Variants in FSTL1 observed in about 807,000 individuals in gnomAD.
FSTL1 encodes the protein follistatin like 1.
A neutral mutation model predicts 45.9 loss-of-function variants in FSTL1; 24 were observed. That is an observed-to-expected ratio of 0.52 (90% CI 0.38 to 0.74). The LOEUF is 0.74. Ranked by LOEUF, FSTL1 falls within the 30% of genes least tolerant of loss-of-function variation. The pLI is 0.00. For missense variants in FSTL1, 340 were observed against 381.8 expected (o/e 0.89, Z 0.91); for synonymous variants, 120 against 137.6 (o/e 0.87, Z 0.89).
chr3:120,395,608 G>C lies in FSTL1; in HGVS notation c.*1344C>G, dbSNP rs112472213. ...ACGACCTGTAGGGTCATCAGGCTGAGATCAAATCTGGTCATCTTGTTTTTG... is the reference window on the plus strand; with the variant it reads ...ACGACCTGTAGGGTCATCAGGCTGACATCAAATCTGGTCATCTTGTTTTTG... On this transcript the variant is annotated 3_prime_UTR_variant, in exon 11 of 11. Coordinates refer to ENST00000295633, the MANE Select transcript of FSTL1 (RefSeq NM_007085.5). 26 of 522,008 alleles carry C rather than the reference G, an allele frequency of 5.0e-5. No homozygotes were observed. Among genetic ancestry groups the C allele is most frequent in the East Asian group, 3.9e-4 (7 of 18,004 alleles). The allele number at this position is 522,008 out of a possible 1,614,324, so 32.3% of individuals were successfully genotyped here.
At chr3:120,403,510 A>G (rs1936870465) in intron 7 of FSTL1, among the ~76,000 whole-genome samples, 156 bp from the exon 8 acceptor site, 1 of 152,162 alleles carries the variant, frequency 6.6e-6, no homozygotes, top group South Asian at 2.1e-4. Context: ...GACCCAACAC[A>G]ACTATTATCC....
At chr3:120,450,654 C>T in intron 2 of FSTL1, 30 bp downstream of exon 2, 1 of 1,477,672 alleles carries the variant, frequency 6.8e-7, no homozygotes. Context: ...CCCCGGGGAC[C>T]GAGTTCGGAC....
At chr3:120,415,887 G>C in intron 3 of FSTL1, 36 bp downstream of exon 3, 1 of 1,310,222 alleles carries the variant, frequency 7.6e-7, no homozygotes, top group Non-Finnish European at 1.1e-6. Flanking sequence ...CATTGGCCTT[G>C]GCCACTGTCC....
chr3:120,399,826 G>C, intron 10 of FSTL1, 57 bp downstream of exon 10: 1 of 1,159,714 alleles, frequency 8.6e-7, no homozygotes, highest in African/African-American at 1.5e-5. Context: ...GTGTTTGAAT[G>C]GTATAGGGCC....
chr3:120,441,635 C>G (rs147954601), intron 2 of FSTL1, among the ~76,000 whole-genome samples: 1 of 152,192 alleles, frequency 6.6e-6, no homozygotes, highest in Non-Finnish European at 1.5e-5. Context: ...TATACACGTG[C>G]GTGAATGTGT....
chr3:120,404,052 C>T (rs1936899004), intron 7 of FSTL1, among the ~76,000 whole-genome samples: 1 of 151,336 alleles, frequency 6.6e-6, no homozygotes, highest in African/African-American at 2.4e-5. Flanking sequence ...TGAGCCCTGG[C>T]TCAATCACTT....
chr3:120,432,457 C>T (rs1004361799), intron 2 of FSTL1, among the ~76,000 whole-genome samples: 1 of 152,050 alleles, frequency 6.6e-6, no homozygotes, highest in Admixed American at 6.5e-5. Flanking sequence ...AACAAATTCC[C>T]CCCTATTTTT....
intron 2 of FSTL1, among the ~76,000 whole-genome samples, chr3:120,435,110 T>C (rs1937528426): frequency 1.3e-5 from 2 of 152,078 alleles, no homozygotes; most frequent in African/African-American, 4.8e-5. Flanking sequence ...TCCCAGCTAC[T>C]TGGGAGGCTG....
intron 3 of FSTL1, among the ~76,000 whole-genome samples, chr3:120,412,784 A>T: frequency 6.6e-6 from 1 of 151,234 alleles, no homozygotes; most frequent in African/African-American, 2.4e-5. Context: ...GAATGTGGAG[A>T]GGCTGATAGG....
At chr3:120,447,998 T>C (rs1051760788) in intron 2 of FSTL1, among the ~76,000 whole-genome samples, 2 of 152,220 alleles carry the variant, frequency 1.3e-5, no homozygotes, top group African/African-American at 2.4e-5. Context: ...CCAAATGGGA[T>C]TGACATAGAC....
intron 10 of FSTL1, among the ~76,000 whole-genome samples, chr3:120,398,615 C>T (rs1936754707): frequency 6.6e-6 from 1 of 152,208 alleles, no homozygotes; most frequent in African/African-American, 2.4e-5. Context: ...CCTGAATACA[C>T]ACTCTTCATT....
At chr3:120,416,080 G>T in intron 2 of FSTL1, 53 bp from the exon 3 acceptor site, 4 of 1,228,340 alleles carry the variant, frequency 3.3e-6, no homozygotes, top group Non-Finnish European at 3.6e-6. Context: ...ACCCATTATG[G>T]AATGAGCCCA....
At chr3:120,404,784 G>T in intron 7 of FSTL1, 69 bp downstream of exon 7, 2 of 833,952 alleles carry the variant, frequency 2.4e-6, no homozygotes, top group Non-Finnish European at 4.2e-6. Context: ...AGGTGGGAAA[G>T]GGTTTAAGTC....
In FSTL1 at chr3:120,411,873, A is replaced by G; in HGVS notation, c.279T>C (p.Asp93=). ...ACLTGSKIQV[D]YDGHCKEKKS... ...CCTTACCTTTGCAGTGTCCATCGTA[A>G]TCAACCTGGATTTTGGATCCAGTGA... The change falls in exon 4 of 11, where the codon GAT becomes GAC. Residue 93 remains aspartate (D), a synonymous_variant. Transcript: ENST00000295633. The G allele has an allele frequency of 6.2e-7, 1 of 1,614,098 alleles. No individual in the cohort carries two copies. Among genetic ancestry groups the G allele is most frequent in the South Asian group, 1.1e-5 (1 of 91,078 alleles).
chr3:120,435,904 A>G (rs1212781020), intron 2 of FSTL1, among the ~76,000 whole-genome samples: 1 of 152,222 alleles, frequency 6.6e-6, no homozygotes, highest in Non-Finnish European at 1.5e-5. Context: ...CAACTTAAAC[A>G]GGAAATGAAG....
chr3:120,403,212 AC>A, intron 8 of FSTL1, 29 bp downstream of exon 8: 1 of 1,220,118 alleles, frequency 8.2e-7, no homozygotes, highest in Non-Finnish European at 1.2e-6. Context: ...TCCATTCACT[AC>A]AGCTCTCTAT....
intron 2 of FSTL1, among the ~76,000 whole-genome samples, chr3:120,446,799 G>C (rs1415634959): frequency 6.6e-6 from 1 of 152,170 alleles, no homozygotes; most frequent in African/African-American, 2.4e-5. Context: ...TCAGGACAAA[G>C]CCCTCATAAT....
intron 2 of FSTL1, among the ~76,000 whole-genome samples, chr3:120,448,172 A>C (rs543064887): frequency 1.3e-5 from 2 of 152,386 alleles, no homozygotes; most frequent in South Asian, 4.1e-4. Context: ...AGAAAAGCAG[A>C]AAGCACCAAG....
chr3:120,407,644 C>A (rs1296846629), intron 6 of FSTL1, among the ~76,000 whole-genome samples: 2 of 152,206 alleles, frequency 1.3e-5, no homozygotes, highest in Non-Finnish European at 2.9e-5. Context: ...GACCTCTCAC[C>A]AACAGGCAGC....
Sources: allele counts gnomAD v4.1 joint callset (sites outside exome capture counted in the v4.1 genomes callset), GRCh38; gene constraint gnomAD v4.1.1; transcripts MANE v1.5; gene names NCBI Gene and HGNC (gene_info 2026-07-23, HGNC 2026-07-21).